The following TNR variants were observed in gnomAD, a reference collection of about 807,000 sequenced individuals.
The protein encoded by TNR is tenascin-R.
Under a neutral mutation model 150.4 loss-of-function variants are expected in TNR, and 45 were observed. That is an observed-to-expected ratio of 0.30 (90% CI 0.24 to 0.38). TNR has a LOEUF of 0.38. Ranked by LOEUF, TNR falls within the 10% of genes least tolerant of loss-of-function variation. The probability of loss-of-function intolerance (pLI) is 1.00; values close to 1 mark genes in which losing one functional copy is unlikely to be tolerated. For missense variants in TNR, 1,544 were observed against 1,759.1 expected (o/e 0.88, Z 2.19); for synonymous variants, 687 against 678.4 (o/e 1.01, Z -0.20).
Position 175,599,357 on chromosome 1 carries a change from C to A in TNR, c.-164-70988G>T, listed in dbSNP as rs566795263. On this transcript the variant is annotated intron_variant, in intron 1 of 22. Transcript: ENST00000367674. The surrounding 1 kb of genome is among the most constrained non-coding windows in gnomAD (Gnocchi z 4.7). Reference sequence around the variant, plus strand: ...GCATAGGGGCCCTGAGAGGCACACACGCGCCTTCTGCTCACACCTCAGGCA... The same window carrying A: ...GCATAGGGGCCCTGAGAGGCACACAAGCGCCTTCTGCTCACACCTCAGGCA... Among the ~76,000 whole-genome samples the A allele has an allele frequency of 1.3e-5, 2 of 152,224 alleles. No homozygotes were observed. The highest frequency in any genetic ancestry group is 4.8e-5 in the African/African-American group (2 of 41,452).
chr1:175,529,334 A>G (rs1455534050), intron 1 of TNR, among the ~76,000 whole-genome samples: 1 of 152,224 alleles, frequency 6.6e-6, no homozygotes, highest in Non-Finnish European at 1.5e-5. Flanking sequence ...CTCATCTAAG[A>G]CATCTGTGAA....
At chr1:175,485,545 T>C (rs1315364295) in intron 2 of TNR, among the ~76,000 whole-genome samples, 1 of 152,072 alleles carries the variant, frequency 6.6e-6, no homozygotes, top group Non-Finnish European at 1.5e-5. Context: ...CCTAAATACG[T>C]AGAAGGTGTG....
intron 1 of TNR, among the ~76,000 whole-genome samples, chr1:175,550,502 C>T (rs1020539184): frequency 6.6e-6 from 1 of 151,922 alleles, no homozygotes; most frequent in Non-Finnish European, 1.5e-5. Context: ...CCCCCTCACC[C>T]CCCATCCTTT....
chr1:175,392,192 A>T (rs906747320), intron 6 of TNR, among the ~76,000 whole-genome samples: 2 of 152,008 alleles, frequency 1.3e-5, no homozygotes, highest in Non-Finnish European at 2.9e-5. Flanking sequence ...TTTCTATCTT[A>T]TCGTTCCCTC....
chr1:175,532,677 C>T (rs1446386242), intron 1 of TNR, among the ~76,000 whole-genome samples: 1 of 152,132 alleles, frequency 6.6e-6, no homozygotes, highest in Non-Finnish European at 1.5e-5. Context: ...GTGGTTCTGG[C>T]TCAGGGTCTC....
chr1:175,568,828 G>A (rs998098541), intron 1 of TNR, among the ~76,000 whole-genome samples: 67 of 152,316 alleles, frequency 4.4e-4, no homozygotes, highest in African/African-American at 1.5e-3. Context: ...GGAATACAAT[G>A]AAGGCAAGGC....
chr1:175,340,129 C>T (rs1489465149), intron 18 of TNR, among the ~76,000 whole-genome samples: 1 of 152,024 alleles, frequency 6.6e-6, no homozygotes, highest in African/African-American at 2.4e-5. Flanking sequence ...GGGTGCCAAA[C>T]ACTGGATGGG....
At chr1:175,353,405 T>C (rs1651158439) in intron 18 of TNR, among the ~76,000 whole-genome samples, 1 of 152,264 alleles carries the variant, frequency 6.6e-6, no homozygotes, top group African/African-American at 2.4e-5. Context: ...GATATTAGGT[T>C]ATTTCCTGTT....
In TNR at chr1:175,526,255, TAAATGGCTAAATAA is replaced by T. The variant is rs1480519937; in HGVS notation, c.-64+2000_-64+2013del. Among the ~76,000 whole-genome samples the T allele has an allele frequency of 9.7e-4, 147 of 152,314 alleles. 1 individual carries two copies. The East Asian group carries it at 0.022, about 23-fold the overall frequency. On this transcript the variant is annotated intron_variant, in intron 2 of 22. Coordinates refer to ENST00000367674, the MANE Select transcript of TNR (RefSeq NM_003285.3). ...GGTACTAACAGCATTAATATCAAAG[TAAATGGCTAAATAA>T]TAGTTGCTCAATAAAGGTTATTGTC...
chr1:175,522,914 C>T (rs1298340259), intron 2 of TNR, among the ~76,000 whole-genome samples: 1 of 152,208 alleles, frequency 6.6e-6, no homozygotes, highest in East Asian at 1.9e-4. Flanking sequence ...AGCTTTTTCA[C>T]CAGAAATACG....
chr1:175,596,083 C>T (rs1240153045), intron 1 of TNR, among the ~76,000 whole-genome samples: 1 of 152,158 alleles, frequency 6.6e-6, no homozygotes, highest in African/African-American at 2.4e-5. Context: ...AAAATTCACA[C>T]TCGTTTAGGG....
chr1:175,331,266 C>T (rs1557868837), intron 20 of TNR, among the ~76,000 whole-genome samples: 1 of 118,822 alleles, frequency 8.4e-6, no homozygotes. Flanking sequence ...TCCCTTCCTT[C>T]CTTTCTTTCT....
At chr1:175,669,234 T>A (rs1665620743) in intron 1 of TNR, among the ~76,000 whole-genome samples, 2 of 152,226 alleles carry the variant, frequency 1.3e-5, no homozygotes, top group Admixed American at 1.3e-4. Flanking sequence ...ATCATCACAG[T>A]CCTGCTCCAG....
intron 1 of TNR, among the ~76,000 whole-genome samples, chr1:175,709,548 C>T (rs1290094047): frequency 6.6e-6 from 1 of 152,154 alleles, no homozygotes; most frequent in Non-Finnish European, 1.5e-5. Context: ...AATCATTTTG[C>T]CAACAAGAGT....
chr1:175,372,978 T>C (rs1652174110), intron 9 of TNR, among the ~76,000 whole-genome samples: 1 of 152,188 alleles, frequency 6.6e-6, no homozygotes, highest in Admixed American at 6.5e-5. Flanking sequence ...TATGTTATTA[T>C]TGTTAGTTTT....
intron 9 of TNR, among the ~76,000 whole-genome samples, chr1:175,374,613 G>A (rs1037762785): frequency 6.6e-6 from 1 of 152,214 alleles, no homozygotes; most frequent in Non-Finnish European, 1.5e-5. Context: ...TTTTCTTGCA[G>A]TCCTATGTTG....
chr1:175,520,013 C>T (rs1460504333), intron 2 of TNR, among the ~76,000 whole-genome samples: 1 of 152,178 alleles, frequency 6.6e-6, no homozygotes, highest in African/African-American at 2.4e-5. Flanking sequence ...AGCTTTCCTG[C>T]ACGGATTTTC....
At chr1:175,331,054 TTTCTTTCTTTCTTTCTTTCTTTCC>T (rs1649793104) in intron 20 of TNR, among the ~76,000 whole-genome samples, 3 of 105,786 alleles carry the variant, frequency 2.8e-5, no homozygotes, top group African/African-American at 7.7e-5. Context: ...TCTTTCTTTC[TTTCTTTCTTTCTTTCTTTCTTTCC>T]TTCTTTCTTT....
At chr1:175,683,245 G>C (rs1378275386) in intron 1 of TNR, among the ~76,000 whole-genome samples, 1 of 152,056 alleles carries the variant, frequency 6.6e-6, no homozygotes, top group Non-Finnish European at 1.5e-5. Context: ...TTCCTTATGA[G>C]ATTAAAGACC....
Sources: gnomAD v4.1 joint callset for allele counts (sites outside exome capture counted in the v4.1 genomes callset) on GRCh38, gnomAD v4.1.1 for gene constraint, Gnocchi (gnomAD v3.1) non-coding constraint, MANE v1.5 for transcripts, NCBI Gene and HGNC (gene_info 2026-07-23, HGNC 2026-07-21) for gene names.